Variants in LVRN observed in about 807,000 individuals in gnomAD.
LVRN encodes the protein laeverin.
Under a neutral mutation model 111.4 loss-of-function variants are expected in LVRN, and 99 were observed. The observed-to-expected ratio is 0.89, with a 90% CI of 0.76 to 1.05. The LOEUF (loss-of-function observed/expected upper bound fraction) is 1.05. Among genes scored for constraint, LVRN ranks in the 50% least tolerant of loss-of-function variants. The pLI is 0.00. For synonymous variants in LVRN, 488 were observed against 449.5 expected, an observed-to-expected ratio of 1.09 and a Z score of -1.08; for missense variants, 1,414 against 1,206.8, an observed-to-expected ratio of 1.17 and a Z score of -2.54.
chr5:116,006,854 A>G (rs1042728293), intron 13 of LVRN, among the ~76,000 whole-genome samples: 1 of 152,204 alleles, frequency 6.6e-6, no homozygotes, highest in African/African-American at 2.4e-5. Context: ...TCCTGTGGTC[A>G]TACAAATACA....
chr5:116,006,541 A>AT (rs1235931806), intron 13 of LVRN, among the ~76,000 whole-genome samples: 1 of 152,072 alleles, frequency 6.6e-6, no homozygotes, highest in African/African-American at 2.4e-5. Flanking sequence ...CTTTGCTATT[A>AT]TTGACTACAT....
At chr5:115,976,624 G>A (rs1024812015) in intron 1 of LVRN, among the ~76,000 whole-genome samples, 1 of 152,022 alleles carries the variant, frequency 6.6e-6, no homozygotes, top group Non-Finnish European at 1.5e-5. Flanking sequence ...ATGATGTTAT[G>A]TTGTTTTTAT....
intron 1 of LVRN, chr5:115,975,244 A>G: frequency 4.4e-6 from 2 of 454,872 alleles, no homozygotes. Flanking sequence ...CCCCATGTCC[A>G]GCATATTGTC....
In LVRN at chr5:115,977,955, G is replaced by T. The variant is rs544496807; in HGVS notation, c.696-5332G>T. On this transcript the variant is annotated intron_variant, in intron 1 of 19. Transcript: ENST00000357872. ...AAAGAAATGAAAATAGAAAGATCAAGATCAAATAAGGAAAGTGTGAAATAG... is the reference window on the plus strand; with the variant it reads ...AAAGAAATGAAAATAGAAAGATCAATATCAAATAAGGAAAGTGTGAAATAG... Among the ~76,000 whole-genome samples the T allele has an allele frequency of 9.8e-5, 15 of 152,314 alleles. No individual in the cohort carries two copies. The East Asian group carries it at 2.9e-3, about 29-fold the overall frequency.
At chr5:115,992,384 A>T (rs1748016294) in intron 5 of LVRN, 107 bp downstream of exon 5, 1 of 1,258,876 alleles carries the variant, frequency 7.9e-7, no homozygotes, top group Non-Finnish European at 1.1e-6. Context: ...CATATTTTAA[A>T]AAGAAAAACA....
chr5:115,999,903 G>T lies in LVRN; in HGVS notation c.1515+1G>T. On this transcript the variant is annotated splice_donor_variant, in intron 7 of 19. Coordinates refer to ENST00000357872, the MANE Select transcript of LVRN (RefSeq NM_173800.5). LOFTEE classifies it high-confidence loss of function. Reference sequence around the variant, plus strand: ...CTTTGACATATTTACTTACAGCAAGGTAAAAGCAGTTAGAAATTTCCTTTG... The same window carrying T: ...CTTTGACATATTTACTTACAGCAAGTTAAAAGCAGTTAGAAATTTCCTTTG... 1.2e-6 allele frequency: 2 copies of T among 1,600,548 alleles called. No homozygotes were observed. Among genetic ancestry groups the T allele is most frequent in the Non-Finnish European group, 1.7e-6 (2 of 1,176,402 alleles).
At chr5:115,981,747 A>T (rs1753564775) in intron 1 of LVRN, among the ~76,000 whole-genome samples, 1 of 152,122 alleles carries the variant, frequency 6.6e-6, no homozygotes, top group African/African-American at 2.4e-5. Context: ...ACTTTTAAAG[A>T]TGCATCTGTA....
Position 115,963,387 on chromosome 5 carries a change from C to A in LVRN, c.695+75C>A, listed in dbSNP as rs564037983. The A allele has an allele frequency of 2.4e-6, 3 of 1,261,736 alleles. No homozygotes were observed. The East Asian group carries it at 7.3e-5, about 31-fold the overall frequency. 78.2% of individuals were successfully genotyped at this position (1,261,736 alleles called of 1,614,324 possible). ...CGGTGCAGGCTGCGGGTCCAGCTGA[C>A]TACCGTGTCCAGGTGCGCGTCTGCT... On this transcript the variant is annotated intron_variant, in intron 1 of 19. Transcript: ENST00000357872.
intron 1 of LVRN, among the ~76,000 whole-genome samples, chr5:115,979,107 C>T (rs775588046): frequency 6.6e-6 from 1 of 152,072 alleles, no homozygotes; most frequent in African/African-American, 2.4e-5. Context: ...CAAGACAGTC[C>T]CCATATTGGC....
intron 1 of LVRN, among the ~76,000 whole-genome samples, chr5:115,974,038 T>A (rs994206083): frequency 2.6e-5 from 4 of 152,216 alleles, no homozygotes; most frequent in African/African-American, 9.6e-5. Flanking sequence ...AAAAATATTT[T>A]ATCTAGCATT....
rs550592181 is a variant in LVRN at position 115,992,952 on chromosome 5, TG to T, written c.1260+677del. Among the ~76,000 whole-genome samples, 148 of 152,326 alleles carry T rather than the reference TG, an allele frequency of 9.7e-4. 2 individuals are homozygous for T. The highest frequency in any genetic ancestry group is 3.4e-3 in the Middle Eastern group (1 of 294). The stretch of plus-strand genomic sequence containing the variant: ...CGTAATGTGGCTCCATAAGAAGTTT[TG>T]GAAAAGAGCAGTTTACTAGGATTGA... On this transcript the variant is annotated intron_variant, in intron 5 of 19. Transcript: ENST00000357872.
intron 17 of LVRN, 87 bp downstream of exon 17, chr5:116,015,506 A>G (rs1561569409): frequency 6.8e-7 from 1 of 1,475,676 alleles, no homozygotes; most frequent in East Asian, 2.4e-5. Context: ...TAATGTAAGT[A>G]TTAAAACGTT....
intron 1 of LVRN, among the ~76,000 whole-genome samples, chr5:115,965,610 T>C (rs558889813): frequency 4.6e-5 from 7 of 152,254 alleles, no homozygotes; most frequent in African/African-American, 1.4e-4. Context: ...GCAAATCTCA[T>C]CTTGAATTGT....
chr5:116,000,050 T>C (rs1031116557), intron 7 of LVRN, 148 bp downstream of exon 7: 43 of 932,130 alleles, frequency 4.6e-5, no homozygotes, highest in Non-Finnish European at 6.3e-5. Flanking sequence ...TCAGAAAACA[T>C]GATTAAATTA....
chr5:115,974,990 C>A, intron 1 of LVRN: 1 of 389,332 alleles, frequency 2.6e-6, no homozygotes. Flanking sequence ...CACTTTGTCT[C>A]TGGGTGAAAT....
intron 1 of LVRN, chr5:115,974,957 G>A: frequency 2.3e-6 from 1 of 430,752 alleles, no homozygotes; most frequent in South Asian, 1.9e-5. Context: ...ATCTGCAACT[G>A]CCTTTTGGGA....
rs756968617 is a variant in LVRN at position 116,015,373 on chromosome 5, C to T, written c.2572C>T (p.Leu858Phe). The change falls in exon 17 of 20, where the codon CTT becomes TTT. Residue 858 changes from leucine (L) to phenylalanine (F), a missense_variant. Leu to Phe is a conservative substitution (Grantham distance 22, BLOSUM62 0). Coordinates refer to ENST00000357872, the MANE Select transcript of LVRN (RefSeq NM_173800.5). ...AACAAACAAAGAAGAAAAGATTCAA[C>T]TTGCTTATGCAATGAGCTGCAGCAA... is the stretch of plus-strand genomic sequence containing the variant. ...NTTNKEEKIQ[L>F]AYAMSCSKDP... 3.4e-6 allele frequency: 5 copies of T among 1,487,488 alleles called. No individual in the cohort carries two copies. Among genetic ancestry groups the T allele is most frequent in the Non-Finnish European group, 3.6e-6 (4 of 1,103,482 alleles). The allele number at this position is 1,487,488 out of a possible 1,614,324, so 92.1% of individuals were successfully genotyped here. A position where few individuals can be genotyped will look rare whatever the true frequency, so the allele number is the denominator to read the frequency against.
rs1462447892 is a variant in LVRN, at chr5:115,983,355, C to T, written c.764C>T (p.Ala255Val). 1 of 1,611,978 alleles carries T rather than the reference C, an allele frequency of 6.2e-7. No individual in the cohort carries two copies. The change falls in exon 2 of 20, where the codon GCT (alanine) becomes GTT (valine). Residue 255 changes from alanine to valine, a missense_variant. Ala to Val is a moderately conservative substitution (Grantham distance 64). Coordinates refer to ENST00000357872, the MANE Select transcript of LVRN (RefSeq NM_173800.5). Reference sequence around the variant, plus strand: ...GTTTTCCCTTGTTTTGATGAGCCAGCTCTGAAGGCAACTTTTAATATTACA... The same window carrying T: ...GTTTTCCCTTGTTTTGATGAGCCAGTTCTGAAGGCAACTTTTAATATTACA... The part of the protein sequence containing the change: ...RYVFPCFDEP[A>V]LKATFNITMI...
chr5:115,993,912 T>C (rs758944205), intron 6 of LVRN, 58 bp downstream of exon 6: 63 of 1,002,186 alleles, frequency 6.3e-5, no homozygotes, highest in Non-Finnish European at 8.9e-5. Flanking sequence ...AAGTAATGCA[T>C]ATTCATTCTT....
Sources: allele counts gnomAD v4.1 joint callset (sites outside exome capture counted in the v4.1 genomes callset), GRCh38; gene constraint gnomAD v4.1.1; transcripts MANE v1.5; gene names NCBI Gene and HGNC (gene_info 2026-07-23, HGNC 2026-07-21).